DLGAP1: variants seen among roughly 807,000 people sequenced by gnomAD.
DLGAP1 encodes DLG associated protein 1, also known as disks large-associated protein 1.
A neutral mutation model predicts 90.8 loss-of-function variants in DLGAP1; 11 were observed. The ratio of observed to expected loss-of-function variants is 0.12; its 90% CI spans 0.08 to 0.20. The LOEUF (loss-of-function observed/expected upper bound fraction) is 0.20. DLGAP1 is among the 10% of genes least tolerant of loss of function. The pLI is 1.00. For missense variants in DLGAP1, 1,050 were observed against 1,333.8 expected, an observed-to-expected ratio of 0.79 and a Z score of 3.31; for synonymous variants, 558 against 540.7, an observed-to-expected ratio of 1.03 and a Z score of -0.44.
intron 1 of DLGAP1, among the ~76,000 whole-genome samples, chr18:4,439,381 A>T (rs1276233041): frequency 1.3e-5 from 2 of 152,382 alleles, no homozygotes; most frequent in East Asian, 3.9e-4. Flanking sequence ...TAAGCAAGAA[A>T]TTAAGCCATT....
chr18:3,868,608 G>C (rs1185091998), intron 4 of DLGAP1, among the ~76,000 whole-genome samples: 1 of 152,040 alleles, frequency 6.6e-6, no homozygotes, highest in East Asian at 1.9e-4. Context: ...AAGCCTATTT[G>C]GTCAAGTTTT....
intron 2 of DLGAP1, among the ~76,000 whole-genome samples, chr18:4,054,698 T>C (rs577755036): frequency 7.9e-5 from 12 of 152,332 alleles, no homozygotes; most frequent in Non-Finnish European, 1.8e-4. Context: ...ATGCTACAGG[T>C]GCTAATCTAA....
intron 2 of DLGAP1, among the ~76,000 whole-genome samples, chr18:4,099,702 CTTT>C (rs59311920): frequency 2.2e-5 from 3 of 133,850 alleles, no homozygotes; most frequent in Non-Finnish European, 3.3e-5. Context: ...TCTTTTTTTA[CTTT>C]TTTTTTTTTT....
chr18:4,420,600 C>T (rs2083007776), intron 1 of DLGAP1, among the ~76,000 whole-genome samples: 2 of 152,100 alleles, frequency 1.3e-5, no homozygotes, highest in South Asian at 4.1e-4. Context: ...AGTTTTCTCA[C>T]TAGGAAGACC....
chr18:4,256,534 G>A (rs572900768), intron 1 of DLGAP1, among the ~76,000 whole-genome samples: 1 of 152,226 alleles, frequency 6.6e-6, no homozygotes, highest in South Asian at 2.1e-4. Context: ...AGATTCCTTA[G>A]GGGGAAATAT....
intron 7 of DLGAP1, among the ~76,000 whole-genome samples, chr18:3,628,282 C>CG (rs1472777639): frequency 2.0e-5 from 3 of 151,424 alleles, no homozygotes; most frequent in African/African-American, 7.3e-5. Context: ...CTCTGCCTCC[C>CG]GGGTTCGAGC....
chr18:4,304,807 T>C (rs968423710), intron 1 of DLGAP1, among the ~76,000 whole-genome samples: 10 of 152,010 alleles, frequency 6.6e-5, no homozygotes, highest in Admixed American at 1.3e-4. Context: ...GGCGGGCACC[T>C]ATAATCCCAG....
At chr18:4,227,305 A>G (rs2078212086) in intron 1 of DLGAP1, among the ~76,000 whole-genome samples, 1 of 152,028 alleles carries the variant, frequency 6.6e-6, no homozygotes, top group African/African-American at 2.4e-5. Context: ...ACCCAGACAG[A>G]AAAATCAACA....
At chr18:3,516,405 C>T (rs1297739242) in intron 10 of DLGAP1, among the ~76,000 whole-genome samples, 1 of 152,076 alleles carries the variant, frequency 6.6e-6, no homozygotes, top group African/African-American at 2.4e-5. Flanking sequence ...AATAATCCTC[C>T]AGAAGGTTTT....
intron 7 of DLGAP1, among the ~76,000 whole-genome samples, chr18:3,616,072 C>T (rs771037222): frequency 2.6e-5 from 4 of 152,154 alleles, no homozygotes; most frequent in Non-Finnish European, 5.9e-5. Context: ...CTTTGCCTGT[C>T]ACAGGCATAG....
chr18:4,265,097 G>T (rs1417929825), intron 1 of DLGAP1, among the ~76,000 whole-genome samples: 1 of 144,656 alleles, frequency 6.9e-6, no homozygotes, highest in East Asian at 2.0e-4. Context: ...TCATATTAAT[G>T]TAATTTTTCC....
At chr18:3,658,191 T>TATAC (rs909602753) in intron 7 of DLGAP1, among the ~76,000 whole-genome samples, 10 of 152,236 alleles carry the variant, frequency 6.6e-5, no homozygotes, top group African/African-American at 2.4e-4. Context: ...CATACGGGTA[T>TATAC]GGTAGAATGT....
At chr18:3,514,083 A>G (rs1319016050) in intron 10 of DLGAP1, among the ~76,000 whole-genome samples, 1 of 151,142 alleles carries the variant, frequency 6.6e-6, no homozygotes, top group Non-Finnish European at 1.5e-5. Context: ...CTAAAAAGGC[A>G]GACGTGCTCA....
At chr18:4,275,951 T>G (rs1330132486) in intron 1 of DLGAP1, among the ~76,000 whole-genome samples, 1 of 152,040 alleles carries the variant, frequency 6.6e-6, no homozygotes, top group African/African-American at 2.4e-5. Flanking sequence ...AACTGAGATA[T>G]GAACTACAAG....
chr18:3,701,956 T>G (rs996909095), intron 7 of DLGAP1, among the ~76,000 whole-genome samples: 4 of 152,184 alleles, frequency 2.6e-5, no homozygotes, highest in African/African-American at 9.7e-5. Context: ...TTCAAATGTG[T>G]GCCAAGATAT....
At chr18:4,237,397 C>A (rs1226515151) in intron 1 of DLGAP1, among the ~76,000 whole-genome samples, 1 of 152,046 alleles carries the variant, frequency 6.6e-6, no homozygotes, top group Non-Finnish European at 1.5e-5. Flanking sequence ...GACCCTGAAG[C>A]CTCCTTTTGT....
intron 5 of DLGAP1, among the ~76,000 whole-genome samples, chr18:3,795,439 C>A (rs1242571900): frequency 6.6e-6 from 1 of 152,054 alleles, no homozygotes; most frequent in African/African-American, 2.4e-5. Flanking sequence ...CCTCAGCCTC[C>A]TGAGTAGCTG....
At chr18:3,781,733 G>A (rs2065203623) in intron 5 of DLGAP1, among the ~76,000 whole-genome samples, 2 of 152,306 alleles carry the variant, frequency 1.3e-5, no homozygotes, top group African/African-American at 4.8e-5. Context: ...CCTGCTGGGA[G>A]CAAAGGATAA....
At chr18:4,350,850 AC>A in intron 1 of DLGAP1, among the ~76,000 whole-genome samples, 1 of 152,228 alleles carries the variant, frequency 6.6e-6, no homozygotes, top group Middle Eastern at 3.4e-3. Flanking sequence ...AATTACCAAA[AC>A]ATTATTAGAA....
Sources: gnomAD v4.1 joint callset for allele counts (sites outside exome capture counted in the v4.1 genomes callset) on GRCh38, gnomAD v4.1.1 for gene constraint, MANE v1.5 for transcripts, NCBI Gene and HGNC (gene_info 2026-07-23, HGNC 2026-07-21) for gene names.